The following DPP10 variants were observed in gnomAD, a reference collection of about 807,000 sequenced individuals.
DPP10 encodes dipeptidyl peptidase like 10.
DPP10 carries 33 observed loss-of-function variants against 120.9 expected under a neutral mutation model. The observed-to-expected ratio is 0.27, with a 90% CI of 0.21 to 0.37. DPP10 has a LOEUF of 0.37. Among genes scored for constraint, DPP10 ranks in the 10% least tolerant of loss-of-function variants. DPP10 has a pLI of 1.00. For missense variants in DPP10, 816 were observed against 942.8 expected, an observed-to-expected ratio of 0.87 and a Z score of 1.76; for synonymous variants, 337 against 326.1, an observed-to-expected ratio of 1.03 and a Z score of -0.36.
intron 2 of DPP10, among the ~76,000 whole-genome samples, chr2:115,316,817 G>A (rs1033378537): frequency 5.9e-5 from 9 of 152,112 alleles, no homozygotes; most frequent in East Asian, 1.9e-4. Flanking sequence ...CCATAAAAGC[G>A]AGAGTTATGG....
chr2:114,858,333 G>A (rs1689532872), intron 1 of DPP10, among the ~76,000 whole-genome samples: 1 of 152,148 alleles, frequency 6.6e-6, no homozygotes, highest in Non-Finnish European at 1.5e-5. Flanking sequence ...TATAGAGTGA[G>A]GGTAAGGATG....
intron 1 of DPP10, among the ~76,000 whole-genome samples, chr2:114,502,423 A>T (rs976721664): frequency 6.6e-6 from 1 of 152,216 alleles, no homozygotes; most frequent in Non-Finnish European, 1.5e-5. Context: ...CCCCTTTATA[A>T]ATACAGGTAC....
At chr2:114,746,477 T>A (rs1334228367) in intron 1 of DPP10, among the ~76,000 whole-genome samples, 1 of 152,100 alleles carries the variant, frequency 6.6e-6, no homozygotes, top group Non-Finnish European at 1.5e-5. Flanking sequence ...TAAAAATCAG[T>A]CAAAGAAATC....
intron 1 of DPP10, among the ~76,000 whole-genome samples, chr2:114,830,933 C>A (rs747200330): frequency 1.3e-5 from 2 of 150,302 alleles, no homozygotes; most frequent in Admixed American, 1.3e-4. Flanking sequence ...TTGCTCAAGC[C>A]CCCTTGTTTC....
At position 115,341,684 on chromosome 2, in the gene DPP10, A is replaced by G. The variant is rs771385980; in HGVS notation, c.176-2133A>G. On this transcript the variant is annotated intron_variant, in intron 2 of 25. Transcript: ENST00000410059. ...GTTTTGCTTTTTCAAAATGTCATGT[A>G]GTTGAGATTATATACTATGTAGCCT... 5.9e-5 allele frequency among the ~76,000 whole-genome samples: 9 copies of G among 152,176 alleles called. 1 individual carries two copies. The highest frequency in any genetic ancestry group is 1.2e-4 in the Non-Finnish European group (8 of 68,038).
At chr2:115,172,814 T>G (rs1005323009) in intron 1 of DPP10, among the ~76,000 whole-genome samples, 5 of 152,232 alleles carry the variant, frequency 3.3e-5, no homozygotes, top group African/African-American at 1.2e-4. Context: ...CAAACTATGT[T>G]GGATGTTGAA....
At chr2:115,645,710 C>T (rs2087188131) in intron 5 of DPP10, among the ~76,000 whole-genome samples, 1 of 152,106 alleles carries the variant, frequency 6.6e-6, no homozygotes, top group Non-Finnish European at 1.5e-5. Context: ...CCATTAAGTT[C>T]TTAGGCACAT....
chr2:115,145,874 TTTAA>T (rs1256996805), intron 1 of DPP10, among the ~76,000 whole-genome samples: 1 of 152,142 alleles, frequency 6.6e-6, no homozygotes, highest in Non-Finnish European at 1.5e-5. Flanking sequence ...TCATTGTTGT[TTTAA>T]TTCTCAATTC....
intron 1 of DPP10, among the ~76,000 whole-genome samples, chr2:115,123,668 C>A (rs2049933667): frequency 6.6e-6 from 1 of 152,078 alleles, no homozygotes; most frequent in Non-Finnish European, 1.5e-5. Flanking sequence ...TCAGCTGAGA[C>A]CAATTATTAT....
intron 1 of DPP10, among the ~76,000 whole-genome samples, chr2:114,597,377 AT>A (rs918403907): frequency 6.6e-6 from 1 of 152,020 alleles, no homozygotes; most frequent in African/African-American, 2.4e-5. Context: ...CATTCAAGGA[AT>A]TTTAAGCAGA....
intron 3 of DPP10, among the ~76,000 whole-genome samples, chr2:115,489,252 T>G (rs67984587): frequency 0.28 from 42,179 of 151,436 alleles, 6,604 homozygotes; most frequent in East Asian, 0.41. Context: ...ACAAAAACAG[T>G]TCTTAGAAAG....
intron 1 of DPP10, among the ~76,000 whole-genome samples, chr2:114,978,168 C>A (rs1033935143): frequency 1.3e-5 from 2 of 152,156 alleles, no homozygotes; most frequent in Admixed American, 6.5e-5. Context: ...AGTAAAGTTT[C>A]TACGATGACG....
chr2:114,864,831 A>G (rs1690096868), intron 1 of DPP10, among the ~76,000 whole-genome samples: 1 of 152,186 alleles, frequency 6.6e-6, no homozygotes, highest in Non-Finnish European at 1.5e-5. Flanking sequence ...TACCTAGACA[A>G]ATGGTGCTTT....
intron 1 of DPP10, among the ~76,000 whole-genome samples, chr2:114,662,993 C>T (rs1697546751): frequency 6.6e-6 from 1 of 151,948 alleles, no homozygotes; most frequent in Non-Finnish European, 1.5e-5. Context: ...GGAAATTGTT[C>T]TTATTGAAGT....
chr2:115,703,213 A>T (rs1243058867), intron 7 of DPP10, among the ~76,000 whole-genome samples: 1 of 151,668 alleles, frequency 6.6e-6, no homozygotes, highest in Admixed American at 6.6e-5. Flanking sequence ...AAATTTATTT[A>T]TTATTATTAT....
chr2:115,738,805 T>C (rs1676916416), intron 8 of DPP10, among the ~76,000 whole-genome samples: 1 of 152,362 alleles, frequency 6.6e-6, no homozygotes, highest in East Asian at 1.9e-4. Flanking sequence ...TATTAACTTC[T>C]GTATCTGTCA....
intron 1 of DPP10, among the ~76,000 whole-genome samples, chr2:115,116,682 A>T (rs55732495): frequency 6.6e-6 from 1 of 152,066 alleles, no homozygotes; most frequent in African/African-American, 2.4e-5. Flanking sequence ...GAGACTCAGA[A>T]AAGGTACTTC....
intron 1 of DPP10, among the ~76,000 whole-genome samples, chr2:114,883,351 T>C (rs1439165815): frequency 6.6e-6 from 1 of 152,182 alleles, no homozygotes; most frequent in African/African-American, 2.4e-5. Flanking sequence ...CAAGTGTTTG[T>C]TGATTAATTA....
intron 3 of DPP10, among the ~76,000 whole-genome samples, chr2:115,350,439 C>T (rs1574516833): frequency 1.3e-5 from 2 of 152,150 alleles, no homozygotes. Flanking sequence ...CCTACTATGG[C>T]AATTTTATGT....
Sources: gnomAD v4.1 joint callset for allele counts (sites outside exome capture counted in the v4.1 genomes callset) on GRCh38, gnomAD v4.1.1 for gene constraint, MANE v1.5 for transcripts, NCBI Gene and HGNC (gene_info 2026-07-23, HGNC 2026-07-21) for gene names.